Variants in PRKCH observed in about 807,000 individuals in gnomAD.
PRKCH encodes the protein protein kinase C eta type.
Under a neutral mutation model 82.5 loss-of-function variants are expected in PRKCH, and 28 were observed. That is an observed-to-expected ratio of 0.34 (90% CI 0.25 to 0.47). The LOEUF (loss-of-function observed/expected upper bound fraction) is 0.47, where lower values mean the gene tolerates loss of function less well. Ranked by LOEUF, PRKCH falls within the 20% of genes least tolerant of loss-of-function variation. The pLI is 1.00. For synonymous variants in PRKCH, 322 were observed against 327.4 expected, an observed-to-expected ratio of 0.98 and a Z score of 0.18; for missense variants, 705 against 881.8, an observed-to-expected ratio of 0.80 and a Z score of 2.54.
intron 1 of PRKCH, among the ~76,000 whole-genome samples, chr14:61,350,122 T>C (rs1033910): frequency 0.59 from 89,832 of 152,114 alleles, 29,856 homozygotes; most frequent in Non-Finnish European, 0.75. Context: ...ATTTATATAG[T>C]GCTTTATATG....
At chr14:61,249,156 C>A (rs374173324) in intron 1 of PRKCH, among the ~76,000 whole-genome samples, 5 of 152,238 alleles carry the variant, frequency 3.3e-5, no homozygotes, top group Admixed American at 3.3e-4. Context: ...GCATTATAAG[C>A]AGCATATTTA....
At chr14:61,452,234 G>A (rs1884545294) in intron 6 of PRKCH, among the ~76,000 whole-genome samples, 1 of 152,110 alleles carries the variant, frequency 6.6e-6, no homozygotes, top group African/African-American at 2.4e-5. Flanking sequence ...TGAGAGGGGT[G>A]GGTTTCCCAT....
chr14:61,280,106 C>G lies in PRKCH; in HGVS notation c.-19+92438C>G, dbSNP rs548568433. On this transcript the variant is annotated intron_variant, in intron 1 of 3. Transcript: ENST00000555185. The surrounding 1 kb of genome is among the most constrained non-coding windows in gnomAD (Gnocchi z 5.0). Reference sequence around the variant, plus strand: ...GAAAGCCGGAATCACTCCTCGTCGTCGTCGTCCTGGTCCTGGTAGCGAATG... The same window carrying G: ...GAAAGCCGGAATCACTCCTCGTCGTGGTCGTCCTGGTCCTGGTAGCGAATG... 6.2e-7 allele frequency: 1 copy of G among 1,610,796 alleles called. No individual in the cohort carries two copies. The highest frequency in any genetic ancestry group is 1.3e-5 in the African/African-American group (1 of 74,908).
chr14:61,509,163 A>T (rs968966989), intron 10 of PRKCH, among the ~76,000 whole-genome samples: 1 of 152,140 alleles, frequency 6.6e-6, no homozygotes, highest in African/African-American at 2.4e-5. Flanking sequence ...CAGAGTTTGC[A>T]GTTTCCAGGA....
At chr14:61,477,479 A>G (rs1447762052) in intron 9 of PRKCH, among the ~76,000 whole-genome samples, 1 of 152,188 alleles carries the variant, frequency 6.6e-6, no homozygotes, top group Non-Finnish European at 1.5e-5. Flanking sequence ...TTAAATGGAG[A>G]CAAATCTTTG....
chr14:61,290,723 T>C (rs1251517047), intron 1 of PRKCH, among the ~76,000 whole-genome samples: 1 of 152,132 alleles, frequency 6.6e-6, no homozygotes. Context: ...CCTCTGCAAA[T>C]ATCTCTCATT....
At chr14:61,190,966 C>T (rs1182208393) in intron 1 of PRKCH, among the ~76,000 whole-genome samples, 1 of 152,104 alleles carries the variant, frequency 6.6e-6, no homozygotes, top group East Asian at 1.9e-4. Flanking sequence ...AACTTGTAAA[C>T]AACCAGCTCA....
At chr14:61,483,246 T>C (rs191448866) in intron 9 of PRKCH, among the ~76,000 whole-genome samples, 7 of 152,390 alleles carry the variant, frequency 4.6e-5, no homozygotes. Flanking sequence ...GCCCAACCTG[T>C]TGCTAACCTG....
At chr14:61,257,617 ACACACACACACACCCC>A (rs1353440480) in intron 1 of PRKCH, among the ~76,000 whole-genome samples, 1,007 of 52,996 alleles carry the variant, frequency 0.019, 11 homozygotes, top group African/African-American at 0.052. Context: ...ACACACACAC[ACACACACACACACCCC>A]CACACACACA....
In PRKCH at chr14:61,391,249, G is replaced by T; in HGVS notation, c.388G>T (p.Val130Leu). 11 of 1,611,384 alleles carry T rather than the reference G, an allele frequency of 6.8e-6. No individual in the cohort carries two copies. Among genetic ancestry groups the T allele is most frequent in the Non-Finnish European group, 9.3e-6 (11 of 1,178,846 alleles). The change falls in exon 2 of 14, where the codon GTA becomes TTA. Residue 130 changes from valine (V) to leucine (L), a missense_variant. By Grantham distance (32) the Val-to-Leu change is conservative (BLOSUM62 1). Coordinates refer to ENST00000332981, the MANE Select transcript of PRKCH (RefSeq NM_006255.5). Reference sequence around the variant, plus strand: ...GGTGGATCTCGAGCCAGAGGGGAAAGTATTTGTGGTAATAACCCTTACCGG... The same window carrying T: ...GGTGGATCTCGAGCCAGAGGGGAAATTATTTGTGGTAATAACCCTTACCGG... ...GWVDLEPEGK[V>L]FVVITLTGSF...
At chr14:61,231,983 C>T (rs2044748503) in intron 1 of PRKCH, among the ~76,000 whole-genome samples, 1 of 152,198 alleles carries the variant, frequency 6.6e-6, no homozygotes, top group Non-Finnish European at 1.5e-5. Flanking sequence ...TTCAACTTGA[C>T]ACTCTCTACC....
At chr14:61,245,204 A>G (rs1451300769) in intron 1 of PRKCH, among the ~76,000 whole-genome samples, 1 of 152,186 alleles carries the variant, frequency 6.6e-6, no homozygotes, top group Non-Finnish European at 1.5e-5. Context: ...AATAAACTCA[A>G]ACCAGATCTG....
intron 2 of PRKCH, among the ~76,000 whole-genome samples, chr14:61,418,840 A>C (rs1191120429): frequency 1.3e-5 from 2 of 152,176 alleles, no homozygotes; most frequent in Admixed American, 1.3e-4. Flanking sequence ...TGTGGTTTCA[A>C]ATGAAGAGGC....
intron 1 of PRKCH, among the ~76,000 whole-genome samples, chr14:61,221,632 C>T (rs552463557): frequency 1.7e-4 from 26 of 152,222 alleles, no homozygotes; most frequent in African/African-American, 5.8e-4. Context: ...CTCTGTTCCC[C>T]GGGGATAGGA....
intron 2 of PRKCH, among the ~76,000 whole-genome samples, chr14:61,409,307 A>C (rs1028876689): frequency 6.6e-6 from 1 of 152,100 alleles, no homozygotes; most frequent in Admixed American, 6.5e-5. Context: ...GGGCTCAAGG[A>C]ATTGCTCTTT....
intron 2 of PRKCH, among the ~76,000 whole-genome samples, chr14:61,403,575 TA>T (rs1881779839): frequency 6.6e-6 from 1 of 152,252 alleles, no homozygotes; most frequent in African/African-American, 2.4e-5. Context: ...TGGTGGTTTC[TA>T]ACTTTAGAGC....
intron 2 of PRKCH, among the ~76,000 whole-genome samples, chr14:61,396,804 G>C: frequency 6.6e-6 from 1 of 152,126 alleles, no homozygotes; most frequent in East Asian, 1.9e-4. Context: ...GGGATGGGGG[G>C]ATGTGGCCAG....
chr14:61,381,821 T>C (rs2046515063), intron 1 of PRKCH, among the ~76,000 whole-genome samples: 1 of 152,244 alleles, frequency 6.6e-6, no homozygotes, highest in South Asian at 2.1e-4. Context: ...TGACCTCATG[T>C]GCCAGAAGCC....
chr14:61,542,065 G>C (rs141374268), intron 12 of PRKCH, among the ~76,000 whole-genome samples: 5 of 152,118 alleles, frequency 3.3e-5, no homozygotes, highest in Non-Finnish European at 5.9e-5. Flanking sequence ...CGAGGCAGGC[G>C]GATCACTTGA....
Sources: allele counts gnomAD v4.1 joint callset (sites outside exome capture counted in the v4.1 genomes callset), GRCh38; gene constraint gnomAD v4.1.1; non-coding constraint Gnocchi (gnomAD v3.1); transcripts MANE v1.5; gene names NCBI Gene and HGNC (gene_info 2026-07-23, HGNC 2026-07-21).